RFX3: variants seen among roughly 807,000 people sequenced by gnomAD.
The protein encoded by RFX3 is transcription factor RFX3.
RFX3 carries 14 observed loss-of-function variants against 98.6 expected under a neutral mutation model. That is an observed-to-expected ratio of 0.14 (90% CI 0.09 to 0.22). RFX3 has a LOEUF of 0.22. Among genes scored for constraint, RFX3 ranks in the 10% least tolerant of loss-of-function variants. The probability of loss-of-function intolerance (pLI) is 1.00; values close to 1 mark genes in which losing one functional copy is unlikely to be tolerated. For missense variants in RFX3, 639 were observed against 926.9 expected (o/e 0.69, Z 4.03); for synonymous variants, 383 against 328.4 (o/e 1.17, Z -1.80).
Position 3,228,948 on chromosome 9 carries a change from T to C in RFX3, c.1969-59A>G, listed in dbSNP as rs899462514. 2.6e-5 allele frequency: 37 copies of C among 1,442,210 alleles called. No homozygotes were observed. The African/African-American group carries it at 3.0e-4, about 12-fold the overall frequency. The allele number at this position is 1,442,210 out of a possible 1,614,324, so 89.3% of individuals were successfully genotyped here. A position where few individuals can be genotyped will look rare whatever the true frequency, so the allele number is the denominator to read the frequency against. On this transcript the variant is annotated intron_variant, in intron 15 of 16. Coordinates refer to ENST00000617270, the MANE Select transcript of RFX3 (RefSeq NM_001282116.2). ...TATAGGGCAGAATAAAATAATACTC[T>C]ATCAGTCTGTAGTAAAAATGCCAAT...
At chr9:3,283,857 C>A (rs113445437) in intron 7 of RFX3, among the ~76,000 whole-genome samples, 1 of 151,342 alleles carries the variant, frequency 6.6e-6, no homozygotes, top group East Asian at 1.9e-4. Flanking sequence ...AATTTTATTA[C>A]GTGTATTTCT....
intron 4 of RFX3, among the ~76,000 whole-genome samples, chr9:3,307,653 C>G (rs1298179581): frequency 1.3e-5 from 2 of 152,150 alleles, no homozygotes; most frequent in African/African-American, 4.8e-5. Context: ...TAGAACATTT[C>G]AAATACACAT....
chr9:3,427,389 C>A lies in RFX3; in HGVS notation c.-8-31793G>T, dbSNP rs1368229245. Among the ~76,000 whole-genome samples, 5 of 132,906 alleles carry A rather than the reference C, an allele frequency of 3.8e-5. No homozygotes were observed. In the East Asian group the frequency reaches 1.1e-3, roughly 28 times the overall value. The allele number at this position is 132,906 out of a possible 152,430, so 87.2% of individuals were successfully genotyped here. ...TATATATTGTTATTATATAATAATACAATATATATAAATATATATTGTTAT... is the reference window on the plus strand; with the variant it reads ...TATATATTGTTATTATATAATAATAAAATATATATAAATATATATTGTTAT... On this transcript the variant is annotated intron_variant, in intron 1 of 16. Transcript: ENST00000617270.
chr9:3,452,429 AAAT>A (rs1207494277), intron 1 of RFX3: 3 of 208,404 alleles, frequency 1.4e-5, no homozygotes, highest in Non-Finnish European at 3.2e-5. Context: ...CAGGTCTATA[AAAT>A]AATAAAAATA....
At chr9:3,417,631 A>G (rs1459395621) in intron 1 of RFX3, among the ~76,000 whole-genome samples, 4 of 152,174 alleles carry the variant, frequency 2.6e-5, no homozygotes, top group Non-Finnish European at 4.4e-5. Context: ...ACATACTATC[A>G]TCTGTGAGAT....
At chr9:3,468,141 C>A (rs1313534685) in intron 1 of RFX3, among the ~76,000 whole-genome samples, 1 of 152,130 alleles carries the variant, frequency 6.6e-6, no homozygotes, top group African/African-American at 2.4e-5. Context: ...CAATTTAGGG[C>A]CTTCAAAATC....
chr9:3,335,499 G>A (rs1180697196), intron 3 of RFX3, among the ~76,000 whole-genome samples: 1 of 151,976 alleles, frequency 6.6e-6, no homozygotes, highest in African/African-American at 2.4e-5. Flanking sequence ...TCAAGAAAAC[G>A]ACTCAATTTT....
intron 2 of RFX3, among the ~76,000 whole-genome samples, chr9:3,372,319 T>C (rs1048377787): frequency 1.3e-5 from 2 of 152,224 alleles, no homozygotes; most frequent in African/African-American, 4.8e-5. Context: ...TCCATTGTGA[T>C]AATTATCCAC....
At chr9:3,391,283 T>C (rs1012099127) in intron 2 of RFX3, among the ~76,000 whole-genome samples, 1 of 151,912 alleles carries the variant, frequency 6.6e-6, no homozygotes. Context: ...GGGACACCAC[T>C]GGAATATACT....
chr9:3,524,116 T>C (rs1818984463), intron 1 of RFX3, among the ~76,000 whole-genome samples: 1 of 152,196 alleles, frequency 6.6e-6, no homozygotes. Context: ...ATTTTAAAAC[T>C]GTAAATTTAA....
intron 15 of RFX3, among the ~76,000 whole-genome samples, chr9:3,233,460 T>C (rs372213443): frequency 2.0e-5 from 3 of 152,200 alleles, no homozygotes; most frequent in Admixed American, 2.0e-4. Flanking sequence ...GCAAGCCTTG[T>C]TCTGTAATGT....
intron 3 of RFX3, among the ~76,000 whole-genome samples, chr9:3,332,756 C>T (rs1464620857): frequency 1.3e-5 from 2 of 152,158 alleles, no homozygotes; most frequent in African/African-American, 4.8e-5. Context: ...TCTTCACTCA[C>T]ATCATATTGA....
intron 2 of RFX3, among the ~76,000 whole-genome samples, chr9:3,387,852 T>A (rs944171475): frequency 3.3e-5 from 5 of 152,068 alleles, no homozygotes; most frequent in Admixed American, 3.3e-4. Flanking sequence ...TTCATGTCCA[T>A]CAATGCTAGG....
At chr9:3,311,258 T>C (rs1178437567) in intron 4 of RFX3, among the ~76,000 whole-genome samples, 1 of 152,234 alleles carries the variant, frequency 6.6e-6, no homozygotes, top group Admixed American at 6.5e-5. Flanking sequence ...AAATTTTGTT[T>C]GTATTTGAAA....
intron 15 of RFX3, among the ~76,000 whole-genome samples, chr9:3,239,479 G>A (rs1819624106): frequency 6.6e-6 from 1 of 152,222 alleles, no homozygotes; most frequent in Admixed American, 6.5e-5. Flanking sequence ...TGTGCTACTG[G>A]CCAATCTGTA....
At chr9:3,277,194 G>A (rs1322205444) in intron 8 of RFX3, 146 bp downstream of exon 8, 15 of 655,572 alleles carry the variant, frequency 2.3e-5, no homozygotes, top group Non-Finnish European at 3.9e-5. Context: ...CATGAACTAG[G>A]ACTGTTATAC....
rs1180310415 is a variant in RFX3, at chr9:3,330,889, G to T, written c.216-372C>A. 2.6e-5 allele frequency among the ~76,000 whole-genome samples: 4 copies of T among 152,296 alleles called. No homozygotes were observed. In the East Asian group the frequency reaches 7.7e-4, roughly 29 times the overall value. On this transcript the variant is annotated intron_variant, in intron 3 of 16. Coordinates refer to ENST00000617270, the MANE Select transcript of RFX3 (RefSeq NM_001282116.2). ...AAAAGCTGGAACCTGGAATAAGTAG[G>T]AGTAGTGTGAGTAGTTGACTTAGCT...
chr9:3,525,777 TG>T lies in RFX3; in HGVS notation c.-40del. 1 of 447,060 alleles carries T rather than the reference TG, an allele frequency of 2.2e-6. No individual in the cohort carries two copies. Among genetic ancestry groups the T allele is most frequent in the Non-Finnish European group, 3.0e-6 (1 of 337,920 alleles). The allele number at this position is 447,060 out of a possible 1,614,324, so 27.7% of individuals were successfully genotyped here. A position where few individuals can be genotyped will look rare whatever the true frequency, so the allele number is the denominator to read the frequency against. On this transcript the variant is annotated 5_prime_UTR_variant, in exon 1 of 17. Coordinates refer to ENST00000617270, the MANE Select transcript of RFX3 (RefSeq NM_001282116.2). ...CTGTGGATTATTGTGGTGTTGTTGG[TG>T]GGTGATGGAGATGGTGGTGGTGGGG...
chr9:3,418,374 C>G (rs948101192), intron 1 of RFX3, among the ~76,000 whole-genome samples: 1 of 152,000 alleles, frequency 6.6e-6, no homozygotes, highest in Admixed American at 6.6e-5. Flanking sequence ...ATACTTGAAG[C>G]TTTTTTGTTT....
Sources: gnomAD v4.1 joint callset for allele counts (sites outside exome capture counted in the v4.1 genomes callset) on GRCh38, gnomAD v4.1.1 for gene constraint, MANE v1.5 for transcripts, NCBI Gene and HGNC (gene_info 2026-07-23, HGNC 2026-07-21) for gene names.